Variants in HMGA2 observed in about 807,000 individuals in gnomAD.
HMGA2 encodes high mobility group protein HMGI-C.
HMGA2 carries 8 observed loss-of-function variants against 19.1 expected under a neutral mutation model. The ratio of observed to expected loss-of-function variants is 0.42; its 90% confidence interval spans 0.25 to 0.76. The LOEUF is 0.76. Among genes scored for constraint, HMGA2 ranks in the 30% least tolerant of loss-of-function variants. The probability of loss-of-function intolerance (pLI) is 0.28; values close to 1 mark genes in which losing one functional copy is unlikely to be tolerated. For missense variants in HMGA2, 109 were observed against 136.3 expected, an observed-to-expected ratio of 0.80 and a Z score of 1.00; for synonymous variants, 60 against 48.8, an observed-to-expected ratio of 1.23 and a Z score of -0.96.
At chr12:65,873,643 G>T (rs762781868) in intron 3 of HMGA2, among the ~76,000 whole-genome samples, 1 of 152,100 alleles carries the variant, frequency 6.6e-6, no homozygotes, top group African/African-American at 2.4e-5. Context: ...TTTATGATGT[G>T]TATACATATA....
chr12:65,924,328 A>C (rs1438169530), intron 3 of HMGA2, among the ~76,000 whole-genome samples: 2 of 152,160 alleles, frequency 1.3e-5, no homozygotes, highest in African/African-American at 4.8e-5. Context: ...CAAATATGTT[A>C]TTAATTTCTG....
chr12:65,844,460 T>C (rs1871151170), intron 3 of HMGA2, among the ~76,000 whole-genome samples: 1 of 152,236 alleles, frequency 6.6e-6, no homozygotes, highest in Non-Finnish European at 1.5e-5. Context: ...AATCTTATTT[T>C]AATAGTTTAC....
At chr12:65,927,524 G>A (rs1188267714) in intron 3 of HMGA2, among the ~76,000 whole-genome samples, 3 of 152,102 alleles carry the variant, frequency 2.0e-5, no homozygotes, top group African/African-American at 7.2e-5. Flanking sequence ...AGGAAGACAG[G>A]GACAAACTCT....
intron 3 of HMGA2, among the ~76,000 whole-genome samples, chr12:65,900,697 T>G (rs1221328568): frequency 6.6e-6 from 1 of 152,234 alleles, no homozygotes; most frequent in Non-Finnish European, 1.5e-5. Flanking sequence ...ATGAGCCCAA[T>G]TTTTGTAGTA....
chr12:65,836,251 T>C (rs1419321326), intron 2 of HMGA2, among the ~76,000 whole-genome samples: 1 of 151,662 alleles, frequency 6.6e-6, no homozygotes, highest in African/African-American at 2.4e-5. Context: ...CCCAGCTACT[T>C]GAGAGGCTGA....
chr12:65,959,672 A>T (rs892970472), intron 4 of HMGA2, among the ~76,000 whole-genome samples: 2 of 152,176 alleles, frequency 1.3e-5, no homozygotes, highest in Non-Finnish European at 2.9e-5. Flanking sequence ...TTGACCAAAG[A>T]GTGGCTGTTT....
At position 65,919,487 on chromosome 12, in the gene HMGA2, G is replaced by A. The variant is rs1472672860; in HGVS notation, c.250-31896G>A. Among the ~76,000 whole-genome samples, 5 of 152,348 alleles carry A rather than the reference G, an allele frequency of 3.3e-5. No homozygotes were observed. The South Asian group carries it at 6.2e-4, about 19-fold the overall frequency. On this transcript the variant is annotated intron_variant, in intron 3 of 4. Coordinates refer to ENST00000403681, the MANE Select transcript of HMGA2 (RefSeq NM_003483.6). ...AGATGCTTTAGTAGTAAGTGCAGGT[G>A]ATGCCAGGGCAGATTTTTGCCAATG... is the stretch of plus-strand genomic sequence containing the variant.
chr12:65,879,574 AT>A (rs1234628802), intron 3 of HMGA2, among the ~76,000 whole-genome samples: 1 of 152,168 alleles, frequency 6.6e-6, no homozygotes, highest in African/African-American at 2.4e-5. Context: ...GTGTTATGAC[AT>A]TTTTTTCCTG....
intron 2 of HMGA2, among the ~76,000 whole-genome samples, chr12:65,829,483 T>C (rs1870380413): frequency 6.6e-6 from 1 of 152,072 alleles, no homozygotes; most frequent in South Asian, 2.1e-4. Flanking sequence ...CAAGGAGTTT[T>C]TCTATGTTGT....
At position 65,909,705 on chromosome 12, in the gene HMGA2, T is replaced by C. The variant is rs1266114617; in HGVS notation, c.250-41678T>C. ...CTGATGTCTTTGCCTCTTTTTTGCC[T>C]ATATAGATGTGAATGTAGGAGTAGC... is the stretch of plus-strand genomic sequence containing the variant. On this transcript the variant is annotated intron_variant, in intron 3 of 4. Coordinates refer to ENST00000403681, the MANE Select transcript of HMGA2 (RefSeq NM_003483.6). 2.0e-5 allele frequency among the ~76,000 whole-genome samples: 3 copies of C among 152,318 alleles called. No homozygotes were observed. The East Asian group carries it at 5.8e-4, about 29-fold the overall frequency.
chr12:65,843,369 G>C (rs543994372), intron 3 of HMGA2: 1 of 206,374 alleles, frequency 4.8e-6, no homozygotes, highest in African/African-American at 2.3e-5. Context: ...TGATACACAG[G>C]AAAGTGATGT....
intron 3 of HMGA2, among the ~76,000 whole-genome samples, chr12:65,838,986 C>CTTTT (rs1236837070): frequency 1.1e-5 from 1 of 91,358 alleles, no homozygotes; most frequent in Non-Finnish European, 1.9e-5. Context: ...CTTTTTCTTT[C>CTTTT]TTTTTCTTTT....
At chr12:65,839,006 T>A (rs1392280823) in intron 3 of HMGA2, among the ~76,000 whole-genome samples, 1 of 149,834 alleles carries the variant, frequency 6.7e-6, no homozygotes, top group Non-Finnish European at 1.5e-5. Context: ...TTCTTTTTTT[T>A]TTTTGGTTTT....
At chr12:65,885,528 C>CA (rs1293801126) in intron 3 of HMGA2, among the ~76,000 whole-genome samples, 1 of 152,146 alleles carries the variant, frequency 6.6e-6, no homozygotes, top group East Asian at 1.9e-4. Flanking sequence ...CCACATGAGC[C>CA]AATGTGTGTC....
chr12:65,941,108 AATC>A lies in HMGA2; in HGVS notation c.250-10271_250-10269del, dbSNP rs1224455873. Among the ~76,000 whole-genome samples, 3 of 152,338 alleles carry A rather than the reference AATC, an allele frequency of 2.0e-5. No homozygotes were observed. In the East Asian group the frequency reaches 5.8e-4, roughly 29 times the overall value. On this transcript the variant is annotated intron_variant, in intron 3 of 4. Transcript: ENST00000403681. ...TAAGTTAACGGAATGCTGAACCCAGAATCATCCATTTTAGGGAAGTTGAGCTGA... is the reference window on the plus strand; with the variant it reads ...TAAGTTAACGGAATGCTGAACCCAGAATCCATTTTAGGGAAGTTGAGCTGA...
At chr12:65,841,799 C>A (rs1271983624) in intron 3 of HMGA2, among the ~76,000 whole-genome samples, 1 of 152,044 alleles carries the variant, frequency 6.6e-6, no homozygotes, top group Non-Finnish European at 1.5e-5. Context: ...TGTAAGAGGC[C>A]TGGGAAAAGA....
intron 3 of HMGA2, chr12:65,881,700 A>C (rs1873401505): frequency 2.9e-6 from 2 of 701,090 alleles, no homozygotes; most frequent in East Asian, 5.4e-5. Context: ...GAAATTGCTG[A>C]AGGAGAGCTT....
At chr12:65,916,644 C>A (rs938522812) in intron 3 of HMGA2, among the ~76,000 whole-genome samples, 2 of 152,180 alleles carry the variant, frequency 1.3e-5, no homozygotes, top group African/African-American at 2.4e-5. Context: ...CCCCAAGAAG[C>A]TTTTCCTGTT....
intron 3 of HMGA2, among the ~76,000 whole-genome samples, chr12:65,947,518 A>ATT (rs1425284510): frequency 6.6e-6 from 1 of 152,236 alleles, no homozygotes; most frequent in East Asian, 1.9e-4. Flanking sequence ...ACCCCATTGT[A>ATT]TTTTAGAAGT....
Sources: allele counts gnomAD v4.1 joint callset (sites outside exome capture counted in the v4.1 genomes callset), GRCh38; gene constraint gnomAD v4.1.1; transcripts MANE v1.5; gene names NCBI Gene and HGNC (gene_info 2026-07-23, HGNC 2026-07-21).